RSRC1: variants seen among roughly 807,000 people sequenced by gnomAD.
RSRC1 encodes the protein serine/Arginine-related protein 53.
In RSRC1, 39 loss-of-function variants were observed where a neutral mutation model predicts 49.1. The ratio of observed to expected loss-of-function variants is 0.79; its 90% CI spans 0.61 to 1.04. The LOEUF is 1.04. Among genes scored for constraint, RSRC1 ranks in the 50% least tolerant of loss-of-function variants. The pLI is 0.00. For synonymous variants in RSRC1, 143 were observed against 130.8 expected (o/e 1.09, Z -0.63); for missense variants, 388 against 402.4 (o/e 0.96, Z 0.31).
At chr3:158,341,733 C>G (rs1730252933) in intron 5 of RSRC1, among the ~76,000 whole-genome samples, 1 of 152,088 alleles carries the variant, frequency 6.6e-6, no homozygotes, top group South Asian at 2.1e-4. Context: ...CCTTCAGGCC[C>G]CAGAATCACA....
chr3:158,420,964 G>A (rs906455443), intron 6 of RSRC1, among the ~76,000 whole-genome samples: 8 of 151,876 alleles, frequency 5.3e-5, no homozygotes, highest in African/African-American at 1.9e-4. Context: ...GATATGTGCA[G>A]TGAAGCAAAA....
At chr3:158,416,898 G>A (rs544110103) in intron 6 of RSRC1, among the ~76,000 whole-genome samples, 34 of 151,986 alleles carry the variant, frequency 2.2e-4, no homozygotes, top group African/African-American at 6.0e-4. Context: ...ACTTTAGAAC[G>A]TATCTGAAGA....
chr3:158,516,340 G>A (rs1266250317), intron 7 of RSRC1, among the ~76,000 whole-genome samples: 1 of 151,792 alleles, frequency 6.6e-6, no homozygotes, highest in African/African-American at 2.4e-5. Flanking sequence ...CTGCAGGTCT[G>A]TTGGAGTACC....
chr3:158,218,980 G>C (rs1404806251), intron 4 of RSRC1, among the ~76,000 whole-genome samples: 1 of 151,638 alleles, frequency 6.6e-6, no homozygotes, highest in Non-Finnish European at 1.5e-5. Flanking sequence ...TAACAATGTA[G>C]TAAGAGTGCT....
chr3:158,334,316 T>C (rs938296137), intron 5 of RSRC1, among the ~76,000 whole-genome samples: 1 of 152,168 alleles, frequency 6.6e-6, no homozygotes, highest in Non-Finnish European at 1.5e-5. Context: ...CTGTGTCATG[T>C]CTAAAAGTAT....
chr3:158,212,377 A>T (rs1364765656), intron 4 of RSRC1, among the ~76,000 whole-genome samples: 1 of 151,842 alleles, frequency 6.6e-6, no homozygotes. Context: ...CATTAAAAAA[A>T]AATCCTATGT....
At chr3:158,219,678 G>A (rs148383296) in intron 4 of RSRC1, among the ~76,000 whole-genome samples, 1 of 151,756 alleles carries the variant, frequency 6.6e-6, no homozygotes, top group East Asian at 1.9e-4. Flanking sequence ...TAAGGAGAAT[G>A]GATTGAAGGC....
chr3:158,252,939 T>C (rs775833744), intron 4 of RSRC1, among the ~76,000 whole-genome samples: 1 of 152,136 alleles, frequency 6.6e-6, no homozygotes, highest in Non-Finnish European at 1.5e-5. Context: ...TGTCTCCTTT[T>C]TCATCTCTGA....
rs559874216 is a variant in RSRC1, at chr3:158,335,937, TTTATTC to T, written c.532-18917_532-18912del. Among the ~76,000 whole-genome samples, 12 of 152,344 alleles carry T rather than the reference TTTATTC, an allele frequency of 7.9e-5. No homozygotes were observed. In the South Asian group the frequency reaches 1.9e-3, roughly 24 times the overall value. On this transcript the variant is annotated intron_variant, in intron 5 of 9. Transcript: ENST00000611884. ...GCAATGATAGTAGAGATTCTGAAAC[TTTATTC>T]TTGAGGCCTCTAGATTAAGTGCACA...
rs148819071 is a variant in RSRC1, at chr3:158,297,247, A to G, written c.495-792A>G. 2.5e-3 allele frequency among the ~76,000 whole-genome samples: 381 copies of G among 152,220 alleles called. 1 individual carries two copies. Among genetic ancestry groups the G allele is most frequent in the African/African-American group, 8.6e-3 (358 of 41,570 alleles). On this transcript the variant is annotated intron_variant, in intron 4 of 9. Coordinates refer to ENST00000611884, the MANE Select transcript of RSRC1 (RefSeq NM_001271838.2). ...TCATTTGTCACAAATAAATTAGTAC[A>G]GATTGAAATCAGAAAAAATTTAACT...
At position 158,203,556 on chromosome 3, in the gene RSRC1, A is replaced by G. The variant is rs555838521; in HGVS notation, c.494+311A>G. Among the ~76,000 whole-genome samples the G allele has an allele frequency of 1.8e-4, 27 of 152,298 alleles. No individual in the cohort carries two copies. The East Asian group carries it at 5.0e-3, about 28-fold the overall frequency. Reference sequence around the variant, plus strand: ...GAAAATTTGCCTAATTCTGTAGGAAAGTTTCATACTCTGTTTCCTTTGTTA... The same window carrying G: ...GAAAATTTGCCTAATTCTGTAGGAAGGTTTCATACTCTGTTTCCTTTGTTA... On this transcript the variant is annotated intron_variant, in intron 4 of 9. Transcript: ENST00000611884.
chr3:158,122,286 C>T lies in RSRC1; in HGVS notation c.182C>T (p.Ser61Phe). 6 of 1,571,152 alleles carry T rather than the reference C, an allele frequency of 3.8e-6. No homozygotes were observed. The highest frequency in any genetic ancestry group is 5.2e-6 in the Non-Finnish European group (6 of 1,161,010). ...WSRDLQPRSH[S>F]YDRRRRHRSS... ...AGAGATCTTCAGCCTCGTTCACATT[C>T]TTATGATAGAAGGTGATTTTTGTAA... Residue 61 changes from serine to phenylalanine, a missense_variant, in exon 2 of 10, where the codon TCT becomes TTT. By Grantham distance (155) the Ser-to-Phe change is radical. Coordinates refer to ENST00000611884, the MANE Select transcript of RSRC1 (RefSeq NM_001271838.2).
At position 158,399,123 on chromosome 3, in the gene RSRC1, C is replaced by CTTTTTTTTTTTT. The variant is rs1161504489; in HGVS notation, c.583+44253_583+44264dup. 1.7e-4 allele frequency among the ~76,000 whole-genome samples: 5 copies of CTTTTTTTTTTTT among 30,108 alleles called. 2 individuals are homozygous for CTTTTTTTTTTTT. Among genetic ancestry groups the CTTTTTTTTTTTT allele is most frequent in the Admixed American group, 5.3e-4 (1 of 1,886 alleles). The allele number at this position is 30,108 out of a possible 152,430, so 19.8% of individuals were successfully genotyped here. ...GTCTTATAAGAAATACTATTATTTC[C>CTTTTTTTTTTTT]TTTTTTTTTTTTTTTTTTTTTTTTT... On this transcript the variant is annotated intron_variant, in intron 6 of 9. Coordinates refer to ENST00000611884, the MANE Select transcript of RSRC1 (RefSeq NM_001271838.2).
intron 6 of RSRC1, among the ~76,000 whole-genome samples, chr3:158,377,381 T>C (rs553722282): frequency 1.6e-4 from 24 of 152,290 alleles, no homozygotes; most frequent in African/African-American, 5.8e-4. Flanking sequence ...GCAGGAGGTA[T>C]TTGGATCATG....
At chr3:158,351,805 T>G (rs1730889697) in intron 5 of RSRC1, among the ~76,000 whole-genome samples, 1 of 150,796 alleles carries the variant, frequency 6.6e-6, no homozygotes, top group Non-Finnish European at 1.5e-5. Context: ...ATATGAATCC[T>G]GTATTATAAA....
rs57257889 is a variant in RSRC1 at position 158,118,413 on chromosome 3, C to CTGTGTGTG, written c.-2-3647_-2-3640dup. 9.2e-3 allele frequency among the ~76,000 whole-genome samples: 827 copies of CTGTGTGTG among 90,086 alleles called. 5 individuals carry two copies. Among genetic ancestry groups the CTGTGTGTG allele is most frequent in the South Asian group, 0.014 (37 of 2,650 alleles). The allele number at this position is 90,086 out of a possible 152,430, so 59.1% of individuals were successfully genotyped here. A position where few individuals can be genotyped will look rare whatever the true frequency, so the allele number is the denominator to read the frequency against. On this transcript the variant is annotated intron_variant, in intron 1 of 9. Transcript: ENST00000611884. ...CATGCCTAGCTAAGTACCTGGCCTT[C>CTGTGTGTG]TGTGTGTGTGTGTGTGTGTGTGTGT...
At chr3:158,510,757 A>G (rs776812763) in intron 7 of RSRC1, among the ~76,000 whole-genome samples, 2 of 152,166 alleles carry the variant, frequency 1.3e-5, no homozygotes, top group Non-Finnish European at 2.9e-5. Context: ...CATCCTTTCT[A>G]ACTGTATTGG....
At chr3:158,450,797 A>T (rs1192819007) in intron 6 of RSRC1, among the ~76,000 whole-genome samples, 1 of 151,834 alleles carries the variant, frequency 6.6e-6, no homozygotes, top group African/African-American at 2.4e-5. Flanking sequence ...ACCGTGGCCT[A>T]TTATGCTTTT....
chr3:158,230,792 A>G (rs1217147214), intron 4 of RSRC1, among the ~76,000 whole-genome samples: 1 of 152,158 alleles, frequency 6.6e-6, no homozygotes, highest in Non-Finnish European at 1.5e-5. Flanking sequence ...TTCCATATCA[A>G]ATCTGGAATA....
Sources: allele counts gnomAD v4.1 joint callset (sites outside exome capture counted in the v4.1 genomes callset), GRCh38; gene constraint gnomAD v4.1.1; transcripts MANE v1.5; gene names NCBI Gene and HGNC (gene_info 2026-07-23, HGNC 2026-07-21).